Variants in NALF1 observed in about 807,000 individuals in gnomAD.
NALF1 encodes NALCN channel auxiliary factor 1.
Under a neutral mutation model 48.4 loss-of-function variants are expected in NALF1, and 3 were observed. That is an observed-to-expected ratio of 0.06 (90% CI 0.03 to 0.16). The LOEUF is 0.16. Ranked by LOEUF, NALF1 falls within the 10% of genes least tolerant of loss-of-function variation. NALF1 has a pLI of 1.00. For synonymous variants in NALF1, 262 were observed against 245.7 expected (o/e 1.07, Z -0.62); for missense variants, 526 against 571.5 (o/e 0.92, Z 0.81).
chr13:107,819,845 T>C (rs373240360), intron 1 of NALF1, among the ~76,000 whole-genome samples: 2 of 152,070 alleles, frequency 1.3e-5, no homozygotes, highest in African/African-American at 4.8e-5. Context: ...TTTTATAATC[T>C]GTACCTTGTA....
chr13:107,412,943 G>A (rs1003484064), intron 1 of NALF1, among the ~76,000 whole-genome samples: 2 of 152,086 alleles, frequency 1.3e-5, no homozygotes, highest in Non-Finnish European at 2.9e-5. Context: ...TTGTTTTACA[G>A]CAAAAGTACC....
At position 107,260,062 on chromosome 13, in the gene NALF1, C is replaced by T. The variant is rs117990402; in HGVS notation, c.916-49307G>A. ...ATGGAAGAGACATGGAAAGTTTAAT[C>T]AAGAATATAGAACTGAATCTGGGTC... On this transcript the variant is annotated intron_variant, in intron 1 of 2. Transcript: ENST00000375915. 2.0e-5 allele frequency among the ~76,000 whole-genome samples: 3 copies of T among 152,136 alleles called. No homozygotes were observed. The East Asian group carries it at 5.8e-4, about 29-fold the overall frequency.
At chr13:107,579,963 C>T (rs565281603) in intron 1 of NALF1, among the ~76,000 whole-genome samples, 56 of 151,792 alleles carry the variant, frequency 3.7e-4, no homozygotes, top group African/African-American at 1.3e-3. Flanking sequence ...ACCCAAAGGA[C>T]TATAAATCAT....
intron 1 of NALF1, among the ~76,000 whole-genome samples, chr13:107,509,547 T>C (rs917193890): frequency 3.9e-5 from 6 of 152,206 alleles, no homozygotes; most frequent in Non-Finnish European, 8.8e-5. Context: ...CTGTAGGTAC[T>C]TCACACAATG....
At chr13:107,428,637 A>G (rs1049242618) in intron 1 of NALF1, among the ~76,000 whole-genome samples, 2 of 152,166 alleles carry the variant, frequency 1.3e-5, no homozygotes, top group Admixed American at 6.5e-5. Flanking sequence ...GTATTGTTAA[A>G]TTCTGGATTC....
chr13:107,719,961 T>C (rs1020643285), intron 1 of NALF1, among the ~76,000 whole-genome samples: 1 of 152,126 alleles, frequency 6.6e-6, no homozygotes, highest in Admixed American at 6.6e-5. Flanking sequence ...CCTCTGCTCA[T>C]GTTTCTCTCT....
chr13:107,672,943 T>C (rs540763253), intron 1 of NALF1, among the ~76,000 whole-genome samples: 1 of 152,242 alleles, frequency 6.6e-6, no homozygotes, highest in East Asian at 1.9e-4. Context: ...TTTTCTTTCA[T>C]TGGTTCTCCC....
chr13:107,172,764 A>C (rs2138764749), intron 2 of NALF1, among the ~76,000 whole-genome samples: 1 of 152,312 alleles, frequency 6.6e-6, no homozygotes, highest in African/African-American at 2.4e-5. Flanking sequence ...GAAATCTAGA[A>C]GTCCTTTAGA....
chr13:107,274,572 AAATT>A (rs1305615214), intron 1 of NALF1, among the ~76,000 whole-genome samples: 2 of 152,278 alleles, frequency 1.3e-5, no homozygotes, highest in East Asian at 1.9e-4. Flanking sequence ...TAAAGTAAAT[AAATT>A]AATTAATTTA....
rs78335711 is a variant in NALF1 at position 107,478,400 on chromosome 13, C to T, written c.916-267645G>A. 5.9e-3 allele frequency among the ~76,000 whole-genome samples: 899 copies of T among 151,884 alleles called. 30 individuals are homozygous for T. In the East Asian group the frequency reaches 0.1, roughly 17 times the overall value. ...AATTTGGTTAGTTAACATTTTAAAA[C>T]GATTCAAAACAAAAATACCTAGAAA... is the stretch of plus-strand genomic sequence containing the variant. On this transcript the variant is annotated intron_variant, in intron 1 of 2. Transcript: ENST00000375915.
chr13:107,273,077 G>A (rs572986064), intron 1 of NALF1, among the ~76,000 whole-genome samples: 11 of 152,130 alleles, frequency 7.2e-5, no homozygotes, highest in Admixed American at 6.5e-4. Flanking sequence ...CTTTGAGGCT[G>A]GTTATAAAAC....
intron 1 of NALF1, among the ~76,000 whole-genome samples, chr13:107,529,684 T>C (rs1072652): frequency 0.74 from 112,522 of 152,044 alleles, 43,746 homozygotes; most frequent in South Asian, 0.87. Context: ...AATGTGTGTG[T>C]GATGATTGGA....
At chr13:107,479,079 T>G (rs947923759) in intron 1 of NALF1, among the ~76,000 whole-genome samples, 17 of 152,156 alleles carry the variant, frequency 1.1e-4, no homozygotes, top group African/African-American at 4.1e-4. Context: ...AAGGAATGAC[T>G]TACACTGTCA....
At chr13:107,449,969 T>G (rs1204653343) in intron 1 of NALF1, among the ~76,000 whole-genome samples, 1 of 151,956 alleles carries the variant, frequency 6.6e-6, no homozygotes. Flanking sequence ...CTGGCCAGAG[T>G]TGGCATCAGC....
rs144939383 is a variant in NALF1, at chr13:107,572,746, C to G, written c.915+292936G>C. ...GCACTTTTGAAGTTCCGAGAACACG[C>G]TAATTTATAAAATGGCATATCTAGG... On this transcript the variant is annotated intron_variant, in intron 1 of 2. Coordinates refer to ENST00000375915, the MANE Select transcript of NALF1 (RefSeq NM_001080396.3). Among the ~76,000 whole-genome samples the G allele has an allele frequency of 6.0e-3, 918 of 152,208 alleles. 8 individuals are homozygous for G. The highest frequency in any genetic ancestry group is 0.02 in the African/African-American group (840 of 41,534).
In NALF1 at chr13:107,644,003, A is replaced by G. The variant is rs562014542; in HGVS notation, c.915+221679T>C. Among the ~76,000 whole-genome samples, 80 of 150,904 alleles carry G rather than the reference A, an allele frequency of 5.3e-4. 2 individuals are homozygous for G. Among genetic ancestry groups the G allele is most frequent in the African/African-American group, 1.9e-3 (79 of 41,060 alleles). On this transcript the variant is annotated intron_variant, in intron 1 of 2. Transcript: ENST00000375915. The stretch of plus-strand genomic sequence containing the variant: ...TTGCCAAAATTTTTTATTTGAGCAC[A>G]TGCAAATTTCTGAAGAATTACAAAT...
intron 1 of NALF1, among the ~76,000 whole-genome samples, chr13:107,669,669 TCTTC>T (rs1280960512): frequency 6.6e-6 from 1 of 152,170 alleles, no homozygotes; most frequent in African/African-American, 2.4e-5. Context: ...AGCATATTTT[TCTTC>T]CTTATTTCAA....
At chr13:107,230,421 T>C (rs889207845) in intron 1 of NALF1, among the ~76,000 whole-genome samples, 6 of 152,182 alleles carry the variant, frequency 3.9e-5, no homozygotes, top group African/African-American at 1.2e-4. Flanking sequence ...GTCAGCATTA[T>C]CTGTGGTTGC....
At chr13:107,759,261 T>A (rs753770292) in intron 1 of NALF1, among the ~76,000 whole-genome samples, 37 of 152,182 alleles carry the variant, frequency 2.4e-4, no homozygotes, top group Non-Finnish European at 4.4e-4. Flanking sequence ...CAGGCTGGAG[T>A]GCAGTGGCAT....
Sources: gnomAD v4.1 joint callset for allele counts (sites outside exome capture counted in the v4.1 genomes callset) on GRCh38, gnomAD v4.1.1 for gene constraint, MANE v1.5 for transcripts, NCBI Gene and HGNC (gene_info 2026-07-23, HGNC 2026-07-21) for gene names.